The following MAGI1 variants were observed in gnomAD, a reference collection of about 807,000 sequenced individuals.
MAGI1 encodes membrane-associated guanylate kinase, WW and PDZ domain-containing protein 1.
MAGI1 carries 58 observed loss-of-function variants against 139.9 expected under a neutral mutation model. That is an observed-to-expected ratio of 0.41 (90% confidence interval 0.34 to 0.52). The LOEUF (loss-of-function observed/expected upper bound fraction) is 0.52, where lower values mean the gene tolerates loss of function less well. Among genes scored for constraint, MAGI1 ranks in the 20% least tolerant of loss-of-function variants. The pLI, the probability that MAGI1 is intolerant of heterozygous loss-of-function variation, is 0.12. For missense variants in MAGI1, 1,874 were observed against 1,901.6 expected (o/e 0.99, Z 0.27); for synonymous variants, 812 against 737.9 (o/e 1.10, Z -1.63).
intron 1 of MAGI1, among the ~76,000 whole-genome samples, chr3:66,020,826 A>T (rs375433065): frequency 6.6e-6 from 1 of 152,168 alleles, no homozygotes; most frequent in African/African-American, 2.4e-5. Flanking sequence ...ATATTCACTC[A>T]TTACAGGTGC....
chr3:65,516,696 A>G (rs934173282), intron 2 of MAGI1, among the ~76,000 whole-genome samples: 5 of 149,242 alleles, frequency 3.4e-5, no homozygotes, highest in African/African-American at 9.9e-5. Flanking sequence ...GGATTTGGGA[A>G]GAAACATAGT....
chr3:65,414,223 T>C (rs1028244164), intron 12 of MAGI1, among the ~76,000 whole-genome samples: 5 of 152,194 alleles, frequency 3.3e-5, no homozygotes, highest in African/African-American at 1.2e-4. Context: ...AGAAACCAGC[T>C]ATGGATATTT....
At position 65,622,086 on chromosome 3, in the gene MAGI1, C is replaced by T; in HGVS notation, c.316G>A (p.Gly106Arg). The T allele has an allele frequency of 6.2e-7, 1 of 1,607,244 alleles. No individual in the cohort carries two copies. Among genetic ancestry groups the T allele is most frequent in the Non-Finnish European group, 8.5e-7 (1 of 1,173,794 alleles). The change falls in exon 2 of 23, where the codon GGA (glycine) becomes AGA (arginine). Residue 106 changes from glycine (G) to arginine (R), a missense_variant and splice_region_variant. Gly to Arg is a moderately radical substitution (Grantham distance 125). Coordinates refer to ENST00000402939, the MANE Select transcript of MAGI1 (RefSeq NM_001033057.2). ...AVTFKAVRQG[G>R]RLNKDLRHFL... ...TGTCGCAGGTCCTTGTTCAGCCTTC[C>T]TCCTGCAGGAAATACATAAAATAGA...
chr3:65,942,106 C>T (rs914068175), intron 1 of MAGI1, among the ~76,000 whole-genome samples: 1 of 152,068 alleles, frequency 6.6e-6, no homozygotes, highest in Admixed American at 6.5e-5. Flanking sequence ...TTAGAAAATG[C>T]CATTTTCCTT....
rs1307598128 is a variant in MAGI1 at position 65,982,706 on chromosome 3, GATTGT to G, written c.313+55285_313+55289del. Among the ~76,000 whole-genome samples the G allele has an allele frequency of 2.0e-5, 3 of 152,068 alleles. No individual in the cohort carries two copies. In the East Asian group the frequency reaches 5.8e-4, roughly 29 times the overall value. The stretch of plus-strand genomic sequence containing the variant: ...TAGGGCTCATGTGTAACATCGTAAT[GATTGT>G]ATTGTCATTTCAGTCACCATTATAG... On this transcript the variant is annotated intron_variant, in intron 1 of 22. Transcript: ENST00000402939.
At chr3:65,726,673 C>T (rs1203701926) in intron 1 of MAGI1, among the ~76,000 whole-genome samples, 2 of 152,114 alleles carry the variant, frequency 1.3e-5, no homozygotes, top group East Asian at 3.8e-4. Context: ...ACACCATCCA[C>T]AAGTGTGCTA....
chr3:65,662,054 T>C (rs2107393991), intron 1 of MAGI1, among the ~76,000 whole-genome samples: 1 of 152,296 alleles, frequency 6.6e-6, no homozygotes, highest in East Asian at 1.9e-4. Flanking sequence ...GCCTCATCTT[T>C]GTATTTCTTT....
chr3:65,905,732 C>T (rs369024495), intron 1 of MAGI1, among the ~76,000 whole-genome samples: 1 of 152,094 alleles, frequency 6.6e-6, no homozygotes, highest in Admixed American at 6.6e-5. Context: ...GTCTACAGAG[C>T]AAATTTAGAG....
chr3:65,442,209 T>A (rs6766751), intron 8 of MAGI1, among the ~76,000 whole-genome samples: 3,320 of 151,584 alleles, frequency 0.022, 139 homozygotes, highest in African/African-American at 0.077. Flanking sequence ...GTCACGAGGG[T>A]TTTAGACTTT....
intron 4 of MAGI1, among the ~76,000 whole-genome samples, chr3:65,470,894 G>C (rs1054376449): frequency 6.6e-6 from 1 of 152,140 alleles, no homozygotes; most frequent in Non-Finnish European, 1.5e-5. Flanking sequence ...GCACAAAAAA[G>C]TATCCAGGGT....
At chr3:66,036,466 A>G (rs1041759230) in intron 1 of MAGI1, among the ~76,000 whole-genome samples, 1 of 152,206 alleles carries the variant, frequency 6.6e-6, no homozygotes, top group Non-Finnish European at 1.5e-5. Context: ...TAAAAAAGCC[A>G]CAAAGTAGAC....
chr3:65,646,679 C>T (rs868729538), intron 1 of MAGI1, among the ~76,000 whole-genome samples: 7 of 151,674 alleles, frequency 4.6e-5, no homozygotes, highest in South Asian at 2.1e-4. Flanking sequence ...AAATGTTAAG[C>T]GTCGAAAGTA....
intron 1 of MAGI1, among the ~76,000 whole-genome samples, chr3:65,809,786 TC>T (rs1419994867): frequency 6.6e-6 from 1 of 152,164 alleles, no homozygotes; most frequent in African/African-American, 2.4e-5. Context: ...GACATTCCAT[TC>T]CGTTTTGTCT....
chr3:65,820,031 C>T (rs961342126), intron 1 of MAGI1, among the ~76,000 whole-genome samples: 1 of 151,320 alleles, frequency 6.6e-6, no homozygotes, highest in African/African-American at 2.4e-5. Context: ...AATCATCCCA[C>T]TGGACAACTG....
intron 1 of MAGI1, among the ~76,000 whole-genome samples, chr3:65,716,651 TCTGC>T (rs1322426999): frequency 6.6e-6 from 1 of 152,212 alleles, no homozygotes; most frequent in African/African-American, 2.4e-5. Flanking sequence ...CTCCCAAAGC[TCTGC>T]CTAACAATTC....
intron 18 of MAGI1, among the ~76,000 whole-genome samples, chr3:65,368,684 A>T (rs1400075645): frequency 6.6e-6 from 1 of 152,198 alleles, no homozygotes; most frequent in East Asian, 1.9e-4. Context: ...GGCATGGGGA[A>T]ATTTGAATCC....
chr3:66,023,085 A>C (rs2068046435), intron 1 of MAGI1, among the ~76,000 whole-genome samples: 1 of 152,196 alleles, frequency 6.6e-6, no homozygotes, highest in Non-Finnish European at 1.5e-5. Flanking sequence ...CAGTGACCAC[A>C]ATGAAGGAAG....
At chr3:65,470,034 T>C (rs1341214248) in intron 5 of MAGI1, 1 of 211,664 alleles carries the variant, frequency 4.7e-6, no homozygotes, top group Non-Finnish European at 9.3e-6. Context: ...ATAATTTCTA[T>C]ATACCATAAT....
At chr3:65,594,717 G>T (rs547132303) in intron 2 of MAGI1, among the ~76,000 whole-genome samples, 2 of 152,256 alleles carry the variant, frequency 1.3e-5, no homozygotes, top group African/African-American at 4.8e-5. Context: ...TGAGAAAATG[G>T]TGATTACTAA....
Sources: gnomAD v4.1 joint callset for allele counts (sites outside exome capture counted in the v4.1 genomes callset) on GRCh38, gnomAD v4.1.1 for gene constraint, MANE v1.5 for transcripts, NCBI Gene and HGNC (gene_info 2026-07-23, HGNC 2026-07-21) for gene names.